The following MTUS2 variants were observed in gnomAD, a reference collection of about 807,000 sequenced individuals.
MTUS2 encodes the protein microtubule-associated tumor suppressor candidate 2.
MTUS2 carries 40 observed loss-of-function variants against 114.1 expected under a neutral mutation model. The ratio of observed to expected loss-of-function variants is 0.35; its 90% CI spans 0.27 to 0.46. The LOEUF is 0.46. Among genes scored for constraint, MTUS2 ranks in the 20% least tolerant of loss-of-function variants. The pLI is 1.00. For missense variants in MTUS2, 1,679 were observed against 1,705.4 expected (o/e 0.98, Z 0.27); for synonymous variants, 688 against 672.0 (o/e 1.02, Z -0.37).
chr13:29,152,452 A>C (rs1196071556), intron 5 of MTUS2, among the ~76,000 whole-genome samples: 1 of 152,154 alleles, frequency 6.6e-6, no homozygotes, highest in Non-Finnish European at 1.5e-5. Context: ...TACTTTACAC[A>C]GTTTCTAGGG....
chr13:29,318,556 C>T (rs758327322), intron 6 of MTUS2, among the ~76,000 whole-genome samples: 1 of 152,110 alleles, frequency 6.6e-6, no homozygotes, highest in Non-Finnish European at 1.5e-5. Flanking sequence ...TGAGCCATCA[C>T]TCTTGATTGG....
At chr13:29,484,060 G>A (rs1881406780) in intron 10 of MTUS2, 1 of 152,230 alleles carries the variant, frequency 6.6e-6, no homozygotes, top group Admixed American at 6.5e-5. Context: ...ACTCACTTCA[G>A]GGACTGCCAG....
At chr13:29,089,301 A>C (rs942052275) in intron 4 of MTUS2, among the ~76,000 whole-genome samples, 10 of 152,140 alleles carry the variant, frequency 6.6e-5, no homozygotes, top group African/African-American at 2.4e-4. Flanking sequence ...TTTGGCTTGT[A>C]GGGTTTCTGC....
intron 2 of MTUS2, among the ~76,000 whole-genome samples, chr13:28,864,284 GTATGT>G (rs1182477849): frequency 3.9e-5 from 6 of 152,172 alleles, no homozygotes; most frequent in Admixed American, 2.0e-4. Context: ...ATCATAGCAA[GTATGT>G]TATAAGGGTC....
At chr13:29,361,214 T>G (rs1870222751) in intron 8 of MTUS2, among the ~76,000 whole-genome samples, 1 of 152,188 alleles carries the variant, frequency 6.6e-6, no homozygotes, top group African/African-American at 2.4e-5. Flanking sequence ...GCAGGTGATT[T>G]GCAGGCATCT....
At chr13:28,948,220 C>T (rs568404187) in intron 2 of MTUS2, among the ~76,000 whole-genome samples, 66 of 152,238 alleles carry the variant, frequency 4.3e-4, no homozygotes, top group African/African-American at 1.5e-3. Flanking sequence ...GCTGTTTACT[C>T]ACTTGTGTGA....
intron 6 of MTUS2, among the ~76,000 whole-genome samples, chr13:29,311,699 T>G (rs541378433): frequency 1.8e-4 from 28 of 152,206 alleles, no homozygotes; most frequent in Admixed American, 3.9e-4. Flanking sequence ...AAAGACAGTT[T>G]AACATATTGT....
chr13:28,937,285 T>C (rs1881953932), intron 2 of MTUS2, among the ~76,000 whole-genome samples: 1 of 150,768 alleles, frequency 6.6e-6, no homozygotes, highest in Non-Finnish European at 1.5e-5. Flanking sequence ...CTCTGTAAGA[T>C]GGACCAGTAA....
At chr13:29,389,301 A>ATATGTATACACATG (rs1301170889) in intron 8 of MTUS2, among the ~76,000 whole-genome samples, 1 of 136,584 alleles carries the variant, frequency 7.3e-6, no homozygotes, top group Non-Finnish European at 1.5e-5. Flanking sequence ...ATGTGTGTAT[A>ATATGTATACACATG]TGTGTATATA....
At chr13:28,984,600 A>G (rs1226634713) in intron 2 of MTUS2, among the ~76,000 whole-genome samples, 2 of 152,192 alleles carry the variant, frequency 1.3e-5, no homozygotes, top group Admixed American at 1.3e-4. Context: ...TCTGGCACTG[A>G]CATCTGATGG....
At chr13:29,086,069 G>A (rs1431604134) in intron 4 of MTUS2, among the ~76,000 whole-genome samples, 2 of 152,084 alleles carry the variant, frequency 1.3e-5, no homozygotes, top group African/African-American at 4.8e-5. Flanking sequence ...CTTGTTGGCC[G>A]CATGTATGTC....
intron 1 of MTUS2, among the ~76,000 whole-genome samples, chr13:28,834,354 C>G (rs1308102809): frequency 2.6e-5 from 4 of 152,042 alleles, no homozygotes; most frequent in Non-Finnish European, 5.9e-5. Flanking sequence ...TAAAATTGAT[C>G]CATAAGGCCC....
intron 5 of MTUS2, among the ~76,000 whole-genome samples, chr13:29,171,102 A>C (rs1216436122): frequency 6.6e-6 from 1 of 151,690 alleles, no homozygotes; most frequent in African/African-American, 2.4e-5. Flanking sequence ...ACAGGATCTC[A>C]TTTAGCAGGA....
chr13:28,991,535 A>C (rs2138338786), intron 2 of MTUS2, among the ~76,000 whole-genome samples: 1 of 151,872 alleles, frequency 6.6e-6, no homozygotes, highest in Admixed American at 6.6e-5. Context: ...CGCCTAGCTA[A>C]TTTTTTGTAT....
chr13:29,375,582 T>TA (rs1566163514), intron 8 of MTUS2, among the ~76,000 whole-genome samples: 2 of 4,024 alleles, frequency 5.0e-4, no homozygotes, highest in Non-Finnish European at 1.3e-3. Flanking sequence ...TACATATATA[T>TA]ATATACGTAT....
rs537732455 is a variant in MTUS2 at position 29,240,379 on chromosome 13, A to G, written c.2645-41325A>G. Among the ~76,000 whole-genome samples the G allele has an allele frequency of 4.6e-5, 7 of 152,358 alleles. No homozygotes were observed. The South Asian group carries it at 1.4e-3, about 32-fold the overall frequency. On this transcript the variant is annotated intron_variant, in intron 5 of 15. Coordinates refer to ENST00000612955, the MANE Select transcript of MTUS2 (RefSeq NM_001033602.4). ...CTCCCAACTGTAAGAATTCAAGCATATAAAACCCCAGCTACCAGATGTGAT... is the reference window on the plus strand; with the variant it reads ...CTCCCAACTGTAAGAATTCAAGCATGTAAAACCCCAGCTACCAGATGTGAT...
chr13:29,195,539 GAAAAAAAAAAAA>G (rs59726006), intron 5 of MTUS2, among the ~76,000 whole-genome samples: 1 of 78,522 alleles, frequency 1.3e-5, no homozygotes, highest in African/African-American at 4.2e-5. Flanking sequence ...ACTTAATTCT[GAAAAAAAAAAAA>G]AAAAAAAAAA....
chr13:29,388,794 T>C (rs1364061432), intron 8 of MTUS2, among the ~76,000 whole-genome samples: 1 of 152,148 alleles, frequency 6.6e-6, no homozygotes, highest in African/African-American at 2.4e-5. Context: ...GTGACTTATA[T>C]TGGATTATCG....
At chr13:29,370,276 G>T (rs1001420798) in intron 8 of MTUS2, among the ~76,000 whole-genome samples, 1 of 152,150 alleles carries the variant, frequency 6.6e-6, no homozygotes, top group African/African-American at 2.4e-5. Context: ...AATTGCCATT[G>T]TAACAGTATT....
Sources: gnomAD v4.1 joint callset for allele counts (sites outside exome capture counted in the v4.1 genomes callset) on GRCh38, gnomAD v4.1.1 for gene constraint, MANE v1.5 for transcripts, NCBI Gene and HGNC (gene_info 2026-07-23, HGNC 2026-07-21) for gene names.